AGAP1: variants seen among roughly 807,000 people sequenced by gnomAD.
AGAP1 encodes the protein ArfGAP with GTPase domain, ankyrin repeat and PH domain 1.
In AGAP1, 29 loss-of-function variants were observed where a neutral mutation model predicts 105.3. The observed-to-expected ratio is 0.28, with a 90% CI of 0.21 to 0.38. AGAP1 has a LOEUF of 0.38. Ranked by LOEUF, AGAP1 falls within the 10% of genes least tolerant of loss-of-function variation. AGAP1 has a pLI of 1.00. For missense variants in AGAP1, 998 were observed against 1,165.1 expected (o/e 0.86, Z 2.09); for synonymous variants, 509 against 485.9 (o/e 1.05, Z -0.63).
chr2:236,079,289 C>T (rs528768261), intron 16 of AGAP1, among the ~76,000 whole-genome samples: 3 of 144,942 alleles, frequency 2.1e-5, no homozygotes, highest in Admixed American at 6.9e-5. Flanking sequence ...GGAGGCCAAG[C>T]GGGAGAGTTT....
intron 12 of AGAP1, among the ~76,000 whole-genome samples, chr2:235,952,768 C>A (rs1291802011): frequency 6.6e-6 from 1 of 152,150 alleles, no homozygotes; most frequent in Non-Finnish European, 1.5e-5. Flanking sequence ...AAGATGGTGT[C>A]CCTCGGTGCT....
In AGAP1 at chr2:235,865,696, A is replaced by T. The variant is rs2049136053; in HGVS notation, c.1051-17649A>T. ...CAGGGCGGGAAATATTACTATTTTAAAAAGCTCAGTTAAGGGGGGATTCCT... is the reference window on the plus strand; with the variant it reads ...CAGGGCGGGAAATATTACTATTTTATAAAGCTCAGTTAAGGGGGGATTCCT... On this transcript the variant is annotated intron_variant, in intron 9 of 17. Transcript: ENST00000304032. The surrounding 1 kb of genome is among the most constrained non-coding windows in gnomAD (Gnocchi z 6.2). Among the ~76,000 whole-genome samples the T allele has an allele frequency of 6.6e-6, 1 of 152,162 alleles. No homozygotes were observed. The highest frequency in any genetic ancestry group is 1.5e-5 in the Non-Finnish European group (1 of 68,026).
At chr2:236,103,857 T>C (rs545799648) in intron 16 of AGAP1, among the ~76,000 whole-genome samples, 135 of 152,078 alleles carry the variant, frequency 8.9e-4, no homozygotes, top group African/African-American at 3.1e-3. Context: ...GTGAGCGACA[T>C]GCCCAGCCTC....
At chr2:235,925,088 G>A (rs1488175673) in intron 11 of AGAP1, among the ~76,000 whole-genome samples, 2 of 152,150 alleles carry the variant, frequency 1.3e-5, no homozygotes, top group African/African-American at 2.4e-5. Flanking sequence ...CCCCAAAGTA[G>A]GCCACATCCT....
intron 1 of AGAP1, among the ~76,000 whole-genome samples, chr2:235,667,310 G>A (rs1044890524): frequency 6.6e-6 from 1 of 152,148 alleles, no homozygotes; most frequent in Admixed American, 6.5e-5. Flanking sequence ...ATAGAAAACC[G>A]AGTAAGTCTG....
Position 235,957,698 on chromosome 2 carries a change from C to T in AGAP1, c.1484-10764C>T, listed in dbSNP as rs183232434. ...GCAAAGGTGGCCTGTTCTTTATTTA[C>T]CGGCCTACACATCTCTGTAAGCTTC... On this transcript the variant is annotated intron_variant, in intron 12 of 17. Transcript: ENST00000304032. The surrounding 1 kb of genome is among the most constrained non-coding windows in gnomAD (Gnocchi z 4.6). Among the ~76,000 whole-genome samples, 2 of 152,296 alleles carry T rather than the reference C, an allele frequency of 1.3e-5. No individual in the cohort carries two copies. Among genetic ancestry groups the T allele is most frequent in the East Asian group, 1.9e-4 (1 of 5,180 alleles).
intron 5 of AGAP1, among the ~76,000 whole-genome samples, chr2:235,748,165 CCGAAATG>C (rs1385631267): frequency 6.6e-6 from 1 of 152,202 alleles, no homozygotes; most frequent in African/African-American, 2.4e-5. Flanking sequence ...AGGTATAGAA[CCGAAATG>C]CGAGTGCAGA....
At chr2:235,763,064 GCGCGCACA>G (rs772069544) in intron 6 of AGAP1, among the ~76,000 whole-genome samples, 2,347 of 96,094 alleles carry the variant, frequency 0.024, 21 homozygotes, top group East Asian at 0.055. Flanking sequence ...GTGTGCGCGC[GCGCGCACA>G]CGTGCACCTG....
intron 1 of AGAP1, among the ~76,000 whole-genome samples, chr2:235,565,265 C>T (rs1574857891): frequency 6.6e-6 from 1 of 152,348 alleles, no homozygotes; most frequent in South Asian, 2.1e-4. Context: ...AGCATCTTCG[C>T]AGGGCCAGGT....
At chr2:236,093,214 A>G (rs2059109168) in intron 16 of AGAP1, among the ~76,000 whole-genome samples, 1 of 152,192 alleles carries the variant, frequency 6.6e-6, no homozygotes, top group Non-Finnish European at 1.5e-5. Flanking sequence ...GAGAGGAACA[A>G]AATATTCCGC....
intron 1 of AGAP1, among the ~76,000 whole-genome samples, chr2:235,571,782 C>G (rs1944523805): frequency 6.6e-6 from 1 of 151,808 alleles, no homozygotes; most frequent in Non-Finnish European, 1.5e-5. Context: ...GAGTGGCCCT[C>G]CAAAAGGGTC....
intron 12 of AGAP1, among the ~76,000 whole-genome samples, chr2:235,943,172 T>C (rs2053338541): frequency 6.6e-6 from 1 of 152,180 alleles, no homozygotes; most frequent in Non-Finnish European, 1.5e-5. Context: ...ATATTCACTT[T>C]GTATTTCTGT....
At chr2:235,647,142 A>G (rs1351695483) in intron 1 of AGAP1, among the ~76,000 whole-genome samples, 1 of 150,612 alleles carries the variant, frequency 6.6e-6, no homozygotes, top group Non-Finnish European at 1.5e-5. Context: ...AAAAAAGAAA[A>G]GTCAAGAGTC....
chr2:235,828,182 G>C (rs1559535550), intron 9 of AGAP1, among the ~76,000 whole-genome samples: 1 of 152,176 alleles, frequency 6.6e-6, no homozygotes, highest in African/African-American at 2.4e-5. Context: ...TACAGGAATT[G>C]ATGGAAGAGG....
chr2:235,841,294 G>C (rs913454652), intron 9 of AGAP1, among the ~76,000 whole-genome samples: 1 of 152,122 alleles, frequency 6.6e-6, no homozygotes, highest in South Asian at 2.1e-4. Context: ...AACAGTCGCC[G>C]CTCACTAGGA....
chr2:235,620,025 C>T lies in AGAP1; in HGVS notation c.164-89154C>T, dbSNP rs563380471. Among the ~76,000 whole-genome samples, 1 of 152,154 alleles carries T rather than the reference C, an allele frequency of 6.6e-6. No homozygotes were observed. The highest frequency in any genetic ancestry group is 6.5e-5 in the Admixed American group (1 of 15,280). ...ACTGTCTCTGTAGCTGCCTGTGCCTCCAGGTGTGGTGCTGCCTTCCTGGGC... is the reference window on the plus strand; with the variant it reads ...ACTGTCTCTGTAGCTGCCTGTGCCTTCAGGTGTGGTGCTGCCTTCCTGGGC... On this transcript the variant is annotated intron_variant, in intron 1 of 17. Transcript: ENST00000304032. This position sits in a 1 kb window ranked among gnomAD's most constrained non-coding sequence, Gnocchi z 4.5.
At chr2:235,518,854 CG>C (rs751089676) in intron 1 of AGAP1, among the ~76,000 whole-genome samples, 4 of 152,166 alleles carry the variant, frequency 2.6e-5, no homozygotes, top group Non-Finnish European at 4.4e-5. Flanking sequence ...GCTTGCCTCG[CG>C]GGTGCACTTC....
At chr2:235,626,911 G>A (rs1161754173) in intron 1 of AGAP1, among the ~76,000 whole-genome samples, 4 of 151,130 alleles carry the variant, frequency 2.6e-5, no homozygotes, top group Non-Finnish European at 4.5e-5. Context: ...CCCATGGCCT[G>A]ATCTCTGTTC....
In AGAP1 at chr2:236,003,328, A is replaced by C. The variant is rs2056201245; in HGVS notation, c.1646-33233A>C. Among the ~76,000 whole-genome samples, 1 of 152,094 alleles carries C rather than the reference A, an allele frequency of 6.6e-6. No homozygotes were observed. Among genetic ancestry groups the C allele is most frequent in the Non-Finnish European group, 1.5e-5 (1 of 68,002 alleles). Reference sequence around the variant, plus strand: ...CCAGAGTGCCAGGATTACAAGAGTGAGCCACCACGCCCAGCCCAGGATGCT... The same window carrying C: ...CCAGAGTGCCAGGATTACAAGAGTGCGCCACCACGCCCAGCCCAGGATGCT... On this transcript the variant is annotated intron_variant, in intron 13 of 17. Transcript: ENST00000304032. The surrounding 1 kb of genome is among the most constrained non-coding windows in gnomAD (Gnocchi z 4.2).
Sources: allele counts gnomAD v4.1 joint callset (sites outside exome capture counted in the v4.1 genomes callset), GRCh38; gene constraint gnomAD v4.1.1; non-coding constraint Gnocchi (gnomAD v3.1); transcripts MANE v1.5; gene names NCBI Gene and HGNC (gene_info 2026-07-23, HGNC 2026-07-21).